The following GPR143 variants were observed in gnomAD, a reference collection of about 807,000 sequenced individuals.
GPR143 encodes G protein-coupled receptor 143.
A neutral mutation model predicts 27.6 loss-of-function variants in GPR143; 8 were observed. The ratio of observed to expected loss-of-function variants is 0.29; its 90% CI spans 0.17 to 0.52. The LOEUF (loss-of-function observed/expected upper bound fraction) is 0.52. Ranked by LOEUF, GPR143 falls within the 20% of genes least tolerant of loss-of-function variation. The pLI, the probability that GPR143 is intolerant of heterozygous loss-of-function variation, is 0.96. For missense variants in GPR143, 303 were observed against 343.1 expected, an observed-to-expected ratio of 0.88 and a Z score of 0.92; for synonymous variants, 156 against 153.2, an observed-to-expected ratio of 1.02 and a Z score of -0.13.
At position 9,725,665 on chromosome X, in the gene GPR143, G is replaced by T; in HGVS notation, c.*81C>A. Reference sequence around the variant, plus strand: ...CGCTACACTTCGGCAGTGCAGTGTTGGGAAGGTGAGAACACAGTTCTAAAG... The same window carrying T: ...CGCTACACTTCGGCAGTGCAGTGTTTGGAAGGTGAGAACACAGTTCTAAAG... On this transcript the variant is annotated 3_prime_UTR_variant, in exon 9 of 9. Transcript: ENST00000467482. The T allele has an allele frequency of 2.7e-6, 2 of 746,199 alleles. No individual in the cohort carries two copies. The highest frequency in any genetic ancestry group is 4.1e-6 in the Non-Finnish European group (2 of 483,537). The allele number at this position is 746,199 out of a possible 1,213,427, so 61.5% of individuals were successfully genotyped here. A position where few individuals can be genotyped will look rare whatever the true frequency, so the allele number is the denominator to read the frequency against.
intron 8 of GPR143, 140 bp from the exon 9 acceptor site, chrX:9,725,980 CAAAAAAAAAAAAAAA>C: frequency 2.8e-6 from 1 of 354,147 alleles, no homozygotes; most frequent in African/African-American, 7.2e-5. Context: ...ATCTCATCTG[CAAAAAAAAAAAAAAA>C]AAAAAAAAAA....
intron 5 of GPR143, among the ~76,000 whole-genome samples, chrX:9,743,991 C>A (rs1414516729): frequency 8.9e-6 from 1 of 112,550 alleles, no homozygotes; most frequent in Non-Finnish European, 1.9e-5. Context: ...CTTATGCAAC[C>A]ATGGGGATGT....
chrX:9,776,623 G>T (rs1335213322), intron 1 of GPR143, among the ~76,000 whole-genome samples: 1 of 101,980 alleles, frequency 9.8e-6, no homozygotes, highest in Non-Finnish European at 2.0e-5. Context: ...TCCTGGCCTC[G>T]AGTGATCCTC....
intron 7 of GPR143, among the ~76,000 whole-genome samples, chrX:9,740,204 T>C (rs2083396822): frequency 9.0e-6 from 1 of 111,335 alleles, no homozygotes; most frequent in Non-Finnish European, 1.9e-5. Context: ...GAGCACTTGA[T>C]GTAATAAAGG....
chrX:9,734,147 T>G (rs1264963101), intron 8 of GPR143, among the ~76,000 whole-genome samples: 1 of 88,350 alleles, frequency 1.1e-5, no homozygotes, highest in Non-Finnish European at 2.3e-5. Context: ...CAAGAAAAAA[T>G]AGAATGGAGA....
chrX:9,751,214 C>T (rs773836106), intron 3 of GPR143, among the ~76,000 whole-genome samples: 70 of 112,622 alleles, frequency 6.2e-4, no homozygotes, highest in Non-Finnish European at 1.1e-3. Context: ...CTGCTACTTA[C>T]GCTGCCCTCC....
intron 1 of GPR143, among the ~76,000 whole-genome samples, chrX:9,774,187 C>T (rs878978671): frequency 2.7e-5 from 3 of 111,774 alleles, no homozygotes; most frequent in Admixed American, 1.9e-4. Flanking sequence ...AATGATGTCC[C>T]GAATGTATAG....
chrX:9,751,612 G>T (rs952361571), intron 3 of GPR143, among the ~76,000 whole-genome samples: 1 of 112,476 alleles, frequency 8.9e-6, no homozygotes, highest in Admixed American at 9.4e-5. Flanking sequence ...TTGTGTGATT[G>T]TGCAGACATG....
Position 9,775,616 on chromosome X carries a change from A to G in GPR143, c.-3+10626T>C, listed in dbSNP as rs976267281. Reference sequence around the variant, plus strand: ...GCTGAGAATCAAACCCAGGCAGATGATGCCATGAGTACTGCCACAAGAGGG... The same window carrying G: ...GCTGAGAATCAAACCCAGGCAGATGGTGCCATGAGTACTGCCACAAGAGGG... On this transcript the variant is annotated intron_variant, in intron 1 of 7. Coordinates refer to the GPR143 transcript ENST00000447366. Among the ~76,000 whole-genome samples, 16 of 111,830 alleles carry G rather than the reference A, an allele frequency of 1.4e-4. No homozygotes were observed. The South Asian group carries it at 2.6e-3, about 18-fold the overall frequency.
At chrX:9,737,181 G>T (rs947320243) in intron 8 of GPR143, among the ~76,000 whole-genome samples, 9 of 111,490 alleles carry the variant, frequency 8.1e-5, no homozygotes, top group African/African-American at 2.9e-4. Flanking sequence ...AAATTAGCAG[G>T]GTGTGTTGGC....
chrX:9,768,676 T>C (rs1226723211), upstream of GPR143, among the ~76,000 whole-genome samples: 1 of 96,421 alleles, frequency 1.0e-5, no homozygotes, highest in African/African-American at 4.1e-5. Context: ...GATGACAAAC[T>C]TTTTTTTTTT....
At chrX:9,759,046 A>G (rs1223362773) in intron 3 of GPR143, among the ~76,000 whole-genome samples, 1 of 111,508 alleles carries the variant, frequency 9.0e-6, no homozygotes, top group African/African-American at 3.3e-5. Flanking sequence ...GACTCTCACT[A>G]AGTTTCACAG....
chrX:9,761,856 G>A (rs1158124788), intron 1 of GPR143, among the ~76,000 whole-genome samples: 1 of 112,511 alleles, frequency 8.9e-6, no homozygotes, highest in Non-Finnish European at 1.9e-5. Context: ...CCAGCACTTT[G>A]GGAGGCCAAG....
At chrX:9,757,877 TC>T (rs1299111575) in intron 3 of GPR143, among the ~76,000 whole-genome samples, 1 of 110,902 alleles carries the variant, frequency 9.0e-6, no homozygotes. Context: ...TCCTCCCACC[TC>T]AGCCTCCCGA....
At chrX:9,772,569 G>A (rs959676030) in intron 1 of GPR143, among the ~76,000 whole-genome samples, 72 of 111,235 alleles carry the variant, frequency 6.5e-4, no homozygotes, top group African/African-American at 2.3e-3. Context: ...ATGCCTTTGG[G>A]AGGCTGAGGT....
Position 9,777,805 on chromosome X carries a change from A to G in GPR143, c.-3+8437T>C, listed in dbSNP as rs747573861. 1.8e-3 allele frequency among the ~76,000 whole-genome samples: 195 copies of G among 105,963 alleles called. 1 individual carries two copies. Among genetic ancestry groups the G allele is most frequent in the African/African-American group, 3.4e-3 (98 of 29,116 alleles). The allele number at this position is 105,963 out of a possible 115,157, so 92.0% of individuals were successfully genotyped here. A position where few individuals can be genotyped will look rare whatever the true frequency, so the allele number is the denominator to read the frequency against. ...CTCCATCTCTTTAAAAAAAAAAAAA[A>G]GGGGGCCAGGTGCGGTGACTCACGC... On this transcript the variant is annotated intron_variant, in intron 1 of 7. Coordinates refer to the GPR143 transcript ENST00000447366.
chrX:9,753,574 G>A (rs1287856032), intron 3 of GPR143, among the ~76,000 whole-genome samples: 4 of 111,042 alleles, frequency 3.6e-5, no homozygotes, highest in Non-Finnish European at 5.7e-5. Flanking sequence ...CCTCTGGCAT[G>A]GAAGCGAATC....
chrX:9,748,592 T>A lies in GPR143; in HGVS notation c.530A>T (p.Tyr177Phe). The A allele has an allele frequency of 8.3e-7, 1 of 1,202,793 alleles. No homozygotes were observed. Among genetic ancestry groups the A allele is most frequent in the Non-Finnish European group, 1.1e-6 (1 of 887,284 alleles). The part of the protein sequence containing the change: ...LLCVEGAAML[Y>F]YPSVSRCERG... ...AACTTACCTGGACACGGAAGGGTAG[T>A]AGAGCATGGCGGCTCCCTCCACACA... The change falls in exon 4 of 9, where the codon TAC (tyrosine) becomes TTC (phenylalanine). Residue 177 changes from tyrosine to phenylalanine, a missense_variant. Coordinates refer to ENST00000467482, the MANE Select transcript of GPR143 (RefSeq NM_000273.3).
At chrX:9,728,335 AG>A (rs778463442) in intron 8 of GPR143, among the ~76,000 whole-genome samples, 1 of 109,214 alleles carries the variant, frequency 9.2e-6, no homozygotes, top group East Asian at 2.9e-4. Context: ...TATAAAGAAA[AG>A]GGCAGGAACA....
Sources: gnomAD v4.1 joint callset for allele counts (sites outside exome capture counted in the v4.1 genomes callset) on GRCh38, gnomAD v4.1.1 for gene constraint, MANE v1.5 for transcripts, NCBI Gene and HGNC (gene_info 2026-07-23, HGNC 2026-07-21) for gene names.